CFAP299: variants seen among roughly 807,000 people sequenced by gnomAD.
CFAP299 encodes the protein cilia- and flagella-associated protein 299.
CFAP299 carries 21 observed loss-of-function variants against 27.0 expected under a neutral mutation model. The ratio of observed to expected loss-of-function variants is 0.78; its 90% CI spans 0.55 to 1.12. The LOEUF is 1.12. Ranked by LOEUF, CFAP299 falls within the 50% of genes most tolerant of loss-of-function variation. The pLI, the probability that CFAP299 is intolerant of heterozygous loss-of-function variation, is 0.00. For missense variants in CFAP299, 310 were observed against 276.6 expected (o/e 1.12, Z -0.86); for synonymous variants, 104 against 98.1 (o/e 1.06, Z -0.36).
At chr4:80,673,419 T>A (rs1438267926) in intron 3 of CFAP299, among the ~76,000 whole-genome samples, 1 of 152,122 alleles carries the variant, frequency 6.6e-6, no homozygotes, top group East Asian at 1.9e-4. Flanking sequence ...TGAGGCATGC[T>A]TTACTTCCGA....
chr4:80,626,371 T>C lies in CFAP299; in HGVS notation c.333+43188T>C, dbSNP rs149147594. On this transcript the variant is annotated intron_variant, in intron 3 of 5. Coordinates refer to ENST00000358105, the MANE Select transcript of CFAP299 (RefSeq NM_152770.3). ...TCACAACATACCCAAACTTACCAGA[T>C]ACAGCAAAAGCAGTTCTAAGAAGGA... 9.0e-3 allele frequency among the ~76,000 whole-genome samples: 1,366 copies of C among 151,964 alleles called. 15 individuals are homozygous for C. The highest frequency in any genetic ancestry group is 0.05 in the South Asian group (241 of 4,824).
chr4:80,809,848 T>G (rs893431036), intron 3 of CFAP299, among the ~76,000 whole-genome samples: 4 of 152,052 alleles, frequency 2.6e-5, no homozygotes, highest in African/African-American at 9.7e-5. Flanking sequence ...TGAAATTGCC[T>G]GTGACCTCCT....
chr4:80,448,355 C>T (rs532883799), intron 2 of CFAP299, among the ~76,000 whole-genome samples: 1 of 152,222 alleles, frequency 6.6e-6, no homozygotes, highest in Non-Finnish European at 1.5e-5. Context: ...AATCATCATC[C>T]TATTTATACA....
chr4:80,923,684 A>AT (rs1323173645), intron 4 of CFAP299, among the ~76,000 whole-genome samples: 3 of 152,014 alleles, frequency 2.0e-5, no homozygotes, highest in Non-Finnish European at 4.4e-5. Flanking sequence ...ATTGAACATC[A>AT]TTTCAAAATC....
At chr4:80,963,314 C>T (rs1738435927) in intron 5 of CFAP299, among the ~76,000 whole-genome samples, 1 of 151,904 alleles carries the variant, frequency 6.6e-6, no homozygotes, top group Non-Finnish European at 1.5e-5. Context: ...AATATCACAA[C>T]CCAATCATAA....
At chr4:80,623,629 C>T (rs573329743) in intron 3 of CFAP299, among the ~76,000 whole-genome samples, 5 of 152,266 alleles carry the variant, frequency 3.3e-5, no homozygotes, top group Non-Finnish European at 7.4e-5. Flanking sequence ...TGCATTACCC[C>T]TGTCATTCCT....
At chr4:80,618,765 T>C (rs978834954) in intron 3 of CFAP299, among the ~76,000 whole-genome samples, 3 of 152,028 alleles carry the variant, frequency 2.0e-5, no homozygotes, top group South Asian at 2.1e-4. Context: ...CCCAGTCCAA[T>C]TGAGGATAAG....
chr4:80,722,013 A>G (rs950746257), intron 3 of CFAP299, among the ~76,000 whole-genome samples: 1 of 152,246 alleles, frequency 6.6e-6, no homozygotes, highest in Non-Finnish European at 1.5e-5. Context: ...AAAGGAACAA[A>G]GAACATCAGA....
chr4:80,582,339 A>T (rs575524034), intron 2 of CFAP299, among the ~76,000 whole-genome samples: 1 of 151,974 alleles, frequency 6.6e-6, no homozygotes. Context: ...GTTTACCTCT[A>T]TGAGACCATA....
intron 3 of CFAP299, among the ~76,000 whole-genome samples, chr4:80,669,963 GCGT>G (rs1741382555): frequency 6.6e-6 from 1 of 150,536 alleles, no homozygotes. Context: ...AACCCGTAGT[GCGT>G]CGTGAATTTT....
intron 3 of CFAP299, among the ~76,000 whole-genome samples, chr4:80,747,324 G>A (rs1178457840): frequency 2.0e-5 from 3 of 151,858 alleles, no homozygotes; most frequent in South Asian, 2.1e-4. Flanking sequence ...CACCAGCATC[G>A]CCACAAACAT....
At chr4:80,481,108 T>G (rs1189025003) in intron 2 of CFAP299, among the ~76,000 whole-genome samples, 2 of 152,010 alleles carry the variant, frequency 1.3e-5, no homozygotes, top group Non-Finnish European at 2.9e-5. Flanking sequence ...GAGACAATAG[T>G]GTGTTGAAAA....
At chr4:80,868,905 C>CTGTGTGTG (rs1184951626) in intron 3 of CFAP299, among the ~76,000 whole-genome samples, 125 of 137,678 alleles carry the variant, frequency 9.1e-4, no homozygotes, top group African/African-American at 2.6e-3. Context: ...GCTTCTCTCT[C>CTGTGTGTG]TGTGTGTGTG....
intron 3 of CFAP299, among the ~76,000 whole-genome samples, chr4:80,782,701 A>G (rs542068350): frequency 1.5e-5 from 2 of 133,362 alleles, no homozygotes; most frequent in East Asian, 2.0e-4. Flanking sequence ...TAATATATTC[A>G]TATATAATAT....
At chr4:80,466,623 G>A (rs1184985150) in intron 2 of CFAP299, among the ~76,000 whole-genome samples, 1 of 152,128 alleles carries the variant, frequency 6.6e-6, no homozygotes, top group Non-Finnish European at 1.5e-5. Context: ...TGGACGAATT[G>A]TTTTGCTTCT....
chr4:80,447,130 GTTTTTTTTTTTTTTTT>G (rs1553923883), intron 2 of CFAP299, among the ~76,000 whole-genome samples: 1 of 105,320 alleles, frequency 9.5e-6, no homozygotes, highest in African/African-American at 4.4e-5. Context: ...TTTTTTTTTT[GTTTTTTTTTTTTTTTT>G]TTTTTTTGAG....
intron 4 of CFAP299, chr4:80,873,041 C>T (rs1258717646): frequency 1.3e-5 from 13 of 976,868 alleles, no homozygotes; most frequent in Non-Finnish European, 1.6e-5. Context: ...AAACCCCATC[C>T]TTTTTGGAAG....
At chr4:80,548,224 A>G (rs1734335925) in intron 2 of CFAP299, among the ~76,000 whole-genome samples, 1 of 152,156 alleles carries the variant, frequency 6.6e-6, no homozygotes, top group Admixed American at 6.5e-5. Context: ...TGTCCTTTAC[A>G]GCAACATGGA....
chr4:80,417,540 T>A (rs1376411409), intron 2 of CFAP299, among the ~76,000 whole-genome samples: 1 of 152,186 alleles, frequency 6.6e-6, no homozygotes, highest in Non-Finnish European at 1.5e-5. Flanking sequence ...TTGAAATCGT[T>A]ACTCTTCGGT....
Sources: allele counts gnomAD v4.1 joint callset (sites outside exome capture counted in the v4.1 genomes callset), GRCh38; gene constraint gnomAD v4.1.1; transcripts MANE v1.5; gene names NCBI Gene and HGNC (gene_info 2026-07-23, HGNC 2026-07-21).